NUP153: variants seen among roughly 807,000 people sequenced by gnomAD.
NUP153 encodes nuclear pore complex protein Nup153.
In NUP153, 27 loss-of-function variants were observed where a neutral mutation model predicts 134.6. That is an observed-to-expected ratio of 0.20 (90% confidence interval 0.15 to 0.28). NUP153 has a LOEUF of 0.28. Among genes scored for constraint, NUP153 ranks in the 10% least tolerant of loss-of-function variants. NUP153 has a pLI of 1.00. For synonymous variants in NUP153, 640 were observed against 623.5 expected, an observed-to-expected ratio of 1.03 and a Z score of -0.40; for missense variants, 1,821 against 1,731.3, an observed-to-expected ratio of 1.05 and a Z score of -0.92.
intron 11 of NUP153, among the ~76,000 whole-genome samples, chr6:17,657,312 G>A (rs1469302088): frequency 1.3e-5 from 2 of 151,626 alleles, no homozygotes; most frequent in Admixed American, 6.6e-5. Flanking sequence ...GAAGCAAGGC[G>A]GGTGGGGATC....
intron 11 of NUP153, among the ~76,000 whole-genome samples, chr6:17,659,235 G>A (rs1222764125): frequency 6.6e-6 from 1 of 152,248 alleles, no homozygotes; most frequent in Non-Finnish European, 1.5e-5. Context: ...TGCAGAAAAT[G>A]CTTTCCAAGA....
chr6:17,629,632 G>A (rs1221661711), intron 17 of NUP153, 93 bp from the exon 18 acceptor site: 3 of 1,201,144 alleles, frequency 2.5e-6, no homozygotes, highest in East Asian at 2.5e-5. Flanking sequence ...AAACATAGGA[G>A]TAACTTTGAA....
At chr6:17,703,427 A>G (rs896034268) in intron 1 of NUP153, among the ~76,000 whole-genome samples, 1 of 152,062 alleles carries the variant, frequency 6.6e-6, no homozygotes, top group Non-Finnish European at 1.5e-5. Flanking sequence ...TTCTTACTCC[A>G]ACTTTCTGCT....
At chr6:17,687,288 A>G (rs904916629) in intron 2 of NUP153, among the ~76,000 whole-genome samples, 9 of 152,224 alleles carry the variant, frequency 5.9e-5, no homozygotes, top group African/African-American at 2.2e-4. Context: ...AAAAGGAAAC[A>G]AATCTCATAA....
Position 17,629,511 on chromosome 6 carries a change from G to C in NUP153, c.2688C>G (p.Asn896Lys), listed in dbSNP as rs778067202. The change falls in exon 18 of 22, where the codon AAC becomes AAG. Residue 896 changes from asparagine to lysine, a missense_variant. Transcript: ENST00000262077. Reference protein sequence around the residue: ...KGFDTSSSSSNSAASSSFKFG... With the variant: ...KGFDTSSSSSKSAASSSFKFG... ...ATTTGAAGGATGAGGAGGCTGCTGA[G>C]TTCGAAGATGAGGAAGATGTGTCAA... 6.2e-7 allele frequency: 1 copy of C among 1,600,430 alleles called. No homozygotes were observed. Among genetic ancestry groups the C allele is most frequent in the Non-Finnish European group, 8.5e-7 (1 of 1,176,542 alleles).
chr6:17,682,491 A>G (rs11753865), intron 2 of NUP153, among the ~76,000 whole-genome samples: 67,532 of 152,036 alleles, frequency 0.44, 15,933 homozygotes, highest in Middle Eastern at 0.75. Context: ...TTCTAACTGC[A>G]GAATTTTCAA....
intron 2 of NUP153, among the ~76,000 whole-genome samples, chr6:17,678,467 G>A (rs1339278783): frequency 6.6e-6 from 1 of 150,882 alleles, no homozygotes; most frequent in African/African-American, 2.4e-5. Context: ...TTAAATTTTA[G>A]CAAATGTCTA....
At chr6:17,661,962 T>C (rs569032623) in intron 10 of NUP153, 56 bp downstream of exon 10, 1 of 1,355,244 alleles carries the variant, frequency 7.4e-7, no homozygotes, top group African/African-American at 1.5e-5. Context: ...GTAAATTAAA[T>C]ACAGACCTTA....
chr6:17,670,037 G>A (rs1272866378), intron 5 of NUP153, among the ~76,000 whole-genome samples: 2 of 147,798 alleles, frequency 1.4e-5, no homozygotes, highest in Non-Finnish European at 3.0e-5. Context: ...CGGAGGTTGT[G>A]GTGAGCCGAG....
At chr6:17,702,156 G>A (rs1297812823) in intron 1 of NUP153, among the ~76,000 whole-genome samples, 1 of 152,122 alleles carries the variant, frequency 6.6e-6, no homozygotes, top group African/African-American at 2.4e-5. Flanking sequence ...AATGGAAAAG[G>A]AAGACAGGAA....
At chr6:17,698,693 G>A (rs1331538511) in intron 1 of NUP153, among the ~76,000 whole-genome samples, 2 of 149,068 alleles carry the variant, frequency 1.3e-5, no homozygotes, top group African/African-American at 5.0e-5. Flanking sequence ...AGCCGAGATC[G>A]CGCCACTACA....
At position 17,615,228 on chromosome 6, in the gene NUP153, A is replaced by C. The variant is rs1764254917; in HGVS notation, c.*869T>G. On this transcript the variant is annotated 3_prime_UTR_variant, in exon 22 of 22. Coordinates refer to ENST00000262077, the MANE Select transcript of NUP153 (RefSeq NM_005124.4). The surrounding 1 kb of genome is among the most constrained non-coding windows in gnomAD (Gnocchi z 5.7). The stretch of plus-strand genomic sequence containing the variant: ...TTTGGTCCAAACAAAACTGGATCAG[A>C]AAAGCCAATAAATTCAACTTTAAGA... 1 of 152,642 alleles carries C rather than the reference A, an allele frequency of 6.6e-6. No homozygotes were observed. The highest frequency in any genetic ancestry group is 1.5e-5 in the Non-Finnish European group (1 of 68,036). 9.5% of individuals were successfully genotyped at this position (152,642 alleles called of 1,614,324 possible).
chr6:17,661,467 T>C (rs1767175163), intron 11 of NUP153, among the ~76,000 whole-genome samples, 186 bp downstream of exon 11: 1 of 152,232 alleles, frequency 6.6e-6, no homozygotes, highest in Non-Finnish European at 1.5e-5. Flanking sequence ...TGTTTTGTTC[T>C]ATGATACCCA....
In NUP153 at chr6:17,694,346, T is replaced by C. The variant is rs936077858; in HGVS notation, c.112-5728A>G. 5.9e-5 allele frequency among the ~76,000 whole-genome samples: 9 copies of C among 152,136 alleles called. No homozygotes were observed. The South Asian group carries it at 8.3e-4, about 14-fold the overall frequency. ...CCATTTATGTACTGTTTTACAGAGA[T>C]GAAGGTTGGGATAAAGAAATAAAGG... On this transcript the variant is annotated intron_variant, in intron 1 of 21. Transcript: ENST00000262077.
Position 17,628,806 on chromosome 6 carries a change from T to C in NUP153, c.3393A>G (p.Pro1131=), listed in dbSNP as rs140583083. 1 of 1,614,120 alleles carries C rather than the reference T, an allele frequency of 6.2e-7. No homozygotes were observed. The highest frequency in any genetic ancestry group is 8.5e-7 in the Non-Finnish European group (1 of 1,180,008). ...KADNEEPKCQ[P]VFSFGNSEQT... is the part of the protein sequence containing the mutation. ...GCTCTGAATTCCCAAAGGAAAACAC[T>C]GGTTGACACTTTGGCTCTTCATTGT... The change falls in exon 18 of 22, where the codon CCA becomes CCG. Residue 1131 remains proline, a synonymous_variant. Coordinates refer to ENST00000262077, the MANE Select transcript of NUP153 (RefSeq NM_005124.4). This position sits in a 1 kb window ranked among gnomAD's most constrained non-coding sequence, Gnocchi z 5.4.
rs372282725 is a variant in NUP153, at chr6:17,628,691, T to C, written c.3508A>G (p.Thr1170Ala). Residue 1170 changes from threonine to alanine, a missense_variant, in exon 18 of 22, where the codon ACT (threonine) becomes GCT (alanine). Coordinates refer to ENST00000262077, the MANE Select transcript of NUP153 (RefSeq NM_005124.4). The surrounding 1 kb of genome is among the most constrained non-coding windows in gnomAD (Gnocchi z 5.4). ...EKESEQPAKA[T>A]FAFGAQTSTT... The stretch of plus-strand genomic sequence containing the variant: ...CTAGTTTGAGCTCCAAAGGCAAAAG[T>C]GGCTTTTGCTGGCTGTTCAGATTCC... The C allele has an allele frequency of 3.7e-6, 6 of 1,609,932 alleles. No individual in the cohort carries two copies. The African/African-American group carries it at 4.0e-5, about 11-fold the overall frequency.
Position 17,626,152 on chromosome 6 carries a change from G to A in NUP153, c.3557C>T (p.Ala1186Val), listed in dbSNP as rs752482128. Reference sequence around the variant, plus strand: ...GTTCAAGAAACTAAAAACTGGCTTTGCTGCACCTTGATCTGTAAGACAGAA... The same window carrying A: ...GTTCAAGAAACTAAAAACTGGCTTTACTGCACCTTGATCTGTAAGACAGAA... ...QTSTTADQGAAKPVFSFLNNS... is the reference protein window; with the variant it reads ...QTSTTADQGAVKPVFSFLNNS... Residue 1186 changes from alanine (A) to valine (V), a missense_variant, in exon 19 of 22, where the codon GCA becomes GTA. Coordinates refer to ENST00000262077, the MANE Select transcript of NUP153 (RefSeq NM_005124.4). The A allele has an allele frequency of 8.7e-6, 14 of 1,611,396 alleles. No homozygotes were observed. The highest frequency in any genetic ancestry group is 1.1e-5 in the Non-Finnish European group (13 of 1,178,986).
In NUP153 at chr6:17,625,467, T is replaced by C. The variant is rs571505713; in HGVS notation, c.3901+341A>G. 1.2e-4 allele frequency among the ~76,000 whole-genome samples: 18 copies of C among 152,216 alleles called. No homozygotes were observed. In the East Asian group the frequency reaches 2.5e-3, roughly 21 times the overall value. On this transcript the variant is annotated intron_variant, in intron 19 of 21. Coordinates refer to ENST00000262077, the MANE Select transcript of NUP153 (RefSeq NM_005124.4). The surrounding 1 kb of genome is among the most constrained non-coding windows in gnomAD (Gnocchi z 4.7). ...ATTGCTTGAACTCGGGAGAGGCAGG[T>C]TGCAGTGAGCTGAGATTGCACCACT... is the stretch of plus-strand genomic sequence containing the variant.
rs574590355 is a variant in NUP153 at position 17,670,806 on chromosome 6, A to AT, written c.853-1261dup. Among the ~76,000 whole-genome samples, 80 of 151,896 alleles carry AT rather than the reference A, an allele frequency of 5.3e-4. 2 individuals carry two copies. Among genetic ancestry groups the AT allele is most frequent in the African/African-American group, 1.9e-3 (77 of 41,426 alleles). Reference sequence around the variant, plus strand: ...ATTGTTTACATGGTAAATCCCATTAATTTTTTATTTTTTATTTTTTTTTAG... The same window carrying AT: ...ATTGTTTACATGGTAAATCCCATTAATTTTTTTATTTTTTATTTTTTTTTAG... On this transcript the variant is annotated intron_variant, in intron 5 of 21. Coordinates refer to ENST00000262077, the MANE Select transcript of NUP153 (RefSeq NM_005124.4).
Sources: allele counts gnomAD v4.1 joint callset (sites outside exome capture counted in the v4.1 genomes callset), GRCh38; gene constraint gnomAD v4.1.1; non-coding constraint Gnocchi (gnomAD v3.1); transcripts MANE v1.5; gene names NCBI Gene and HGNC (gene_info 2026-07-23, HGNC 2026-07-21).